Variants in DDIAS observed in about 807,000 individuals in gnomAD.
DDIAS encodes DNA damage induced apoptosis suppressor.
Under a neutral mutation model 15.7 loss-of-function variants are expected in DDIAS, and 14 were observed. The ratio of observed to expected loss-of-function variants is 0.89; its 90% CI spans 0.59 to 1.39. The LOEUF (loss-of-function observed/expected upper bound fraction) is 1.39. DDIAS is among the 40% of genes most tolerant of loss of function. The pLI, the probability that DDIAS is intolerant of heterozygous loss-of-function variation, is 0.00. For missense variants in DDIAS, 1,035 were observed against 1,130.9 expected, an observed-to-expected ratio of 0.92 and a Z score of 1.22; for synonymous variants, 355 against 395.9, an observed-to-expected ratio of 0.90 and a Z score of 1.23.
chr11:82,925,657 T>C (rs982063613), intron 3 of DDIAS, among the ~76,000 whole-genome samples: 1 of 152,050 alleles, frequency 6.6e-6, no homozygotes, highest in African/African-American at 2.4e-5. Context: ...ATGGATCTAA[T>C]GTACAGCTTG....
rs575999829 is a variant in DDIAS, at chr11:82,920,925, T to G, written c.113+6074T>G. On this transcript the variant is annotated intron_variant, in intron 3 of 5. Transcript: ENST00000533655. ...CAAGGCATAGTTTAAATCCATTTTT[T>G]CTTTGTTGACTTTCTGTCTTGATGA... 7.9e-5 allele frequency among the ~76,000 whole-genome samples: 12 copies of G among 152,336 alleles called. No individual in the cohort carries two copies. In the South Asian group the frequency reaches 2.3e-3, roughly 29 times the overall value.
At chr11:82,923,311 T>A (rs2121348022) in intron 3 of DDIAS, among the ~76,000 whole-genome samples, 1 of 152,324 alleles carries the variant, frequency 6.6e-6, no homozygotes, top group Non-Finnish European at 1.5e-5. Flanking sequence ...TTGCTTTCCC[T>A]TTTTCTTACT....
intron 1 of DDIAS, among the ~76,000 whole-genome samples, chr11:82,904,571 T>C (rs1369370111): frequency 6.6e-6 from 1 of 152,226 alleles, no homozygotes; most frequent in Non-Finnish European, 1.5e-5. Flanking sequence ...TCTCAATGAC[T>C]AGGCTACTGG....
At chr11:82,924,821 A>T (rs777508657) in intron 3 of DDIAS, among the ~76,000 whole-genome samples, 40 of 151,786 alleles carry the variant, frequency 2.6e-4, no homozygotes, top group Middle Eastern at 3.4e-3. Context: ...TCTCAAAAAA[A>T]TAAATGAATA....
intron 5 of DDIAS, 106 bp from the exon 6 acceptor site, chr11:82,931,626 T>C (rs1007618704): frequency 1.2e-5 from 12 of 998,926 alleles, no homozygotes; most frequent in Admixed American, 5.5e-5. Flanking sequence ...CTCAAAGTGC[T>C]GGGATTACAG....
chr11:82,931,325 G>A (rs1037804243), intron 5 of DDIAS, among the ~76,000 whole-genome samples: 2 of 152,010 alleles, frequency 1.3e-5, no homozygotes, highest in Admixed American at 6.6e-5. Context: ...GGTAATAGTT[G>A]TATCTGTTTT....
chr11:82,918,859 T>C (rs927735421), intron 3 of DDIAS, among the ~76,000 whole-genome samples: 1 of 152,146 alleles, frequency 6.6e-6, no homozygotes, highest in Non-Finnish European at 1.5e-5. Flanking sequence ...TTGTAGCTGT[T>C]GTAAAAGGAG....
At position 82,933,119 on chromosome 11, in the gene DDIAS, C is replaced by T. The variant is rs1415898754; in HGVS notation, c.1781C>T (p.Thr594Ile). The T allele has an allele frequency of 6.2e-7, 1 of 1,605,078 alleles. No homozygotes were observed. The highest frequency in any genetic ancestry group is 1.7e-5 in the Admixed American group (1 of 59,434). Residue 594 changes from threonine to isoleucine, a missense_variant, in exon 6 of 6, where the codon ACT (threonine) becomes ATT (isoleucine). Transcript: ENST00000533655. ...SVSEMNEKLT[T>I]LCYRKYNDVS... ...TCAGAAATGAATGAAAAGTTGACAA[C>T]TCTGTGTTATAGGAAGTATAATGAT...
At chr11:82,913,651 C>T (rs1860567210) in intron 2 of DDIAS, 3 of 415,404 alleles carry the variant, frequency 7.2e-6, no homozygotes, top group Non-Finnish European at 1.4e-5. Flanking sequence ...TTTTTCTCTT[C>T]AAGATGTATC....
intron 3 of DDIAS, among the ~76,000 whole-genome samples, chr11:82,922,209 G>GA (rs1345351124): frequency 6.6e-6 from 1 of 152,156 alleles, no homozygotes; most frequent in Non-Finnish European, 1.5e-5. Flanking sequence ...TTTTTGTGAT[G>GA]AATTTCCCAG....
At position 82,921,579 on chromosome 11, in the gene DDIAS, T is replaced by C. The variant is rs1389445077; in HGVS notation, c.113+6728T>C. On this transcript the variant is annotated intron_variant, in intron 3 of 5. Coordinates refer to ENST00000533655, the MANE Select transcript of DDIAS (RefSeq NM_145018.4). ...AGTTTTTTTCTTTCTTTCTTTTTTT[T>C]TTTTTTTTTTTTTTTTGAGACGGAG... Among the ~76,000 whole-genome samples, 12 of 142,814 alleles carry C rather than the reference T, an allele frequency of 8.4e-5. No homozygotes were observed. The East Asian group carries it at 1.2e-3, about 14-fold the overall frequency. The allele number at this position is 142,814 out of a possible 152,430, so 93.7% of individuals were successfully genotyped here.
At chr11:82,907,885 T>C (rs1860462376) in intron 1 of DDIAS, among the ~76,000 whole-genome samples, 1 of 152,228 alleles carries the variant, frequency 6.6e-6, no homozygotes, top group African/African-American at 2.4e-5. Context: ...TACTGAGCAC[T>C]GTTCTAAGCA....
In DDIAS at chr11:82,929,069, G is replaced by C. The variant is rs1404501091; in HGVS notation, c.275+131G>C. On this transcript the variant is annotated intron_variant, in intron 4 of 5. Transcript: ENST00000533655. The stretch of plus-strand genomic sequence containing the variant: ...GATTGTCAATTCCTTTAAAAGACAA[G>C]CAAGTAAGAAAGATGTTTATTTCCT... The C allele has an allele frequency of 1.1e-5, 11 of 999,250 alleles. No individual in the cohort carries two copies. The African/African-American group carries it at 1.5e-4, about 14-fold the overall frequency. 61.9% of individuals were successfully genotyped at this position (999,250 alleles called of 1,614,324 possible).
chr11:82,920,826 C>T (rs977583145), intron 3 of DDIAS, among the ~76,000 whole-genome samples: 4 of 152,186 alleles, frequency 2.6e-5, no homozygotes, highest in African/African-American at 4.8e-5. Context: ...GTTCCATGTG[C>T]TGTTGAATAG....
At chr11:82,925,758 G>A (rs1313645352) in intron 3 of DDIAS, among the ~76,000 whole-genome samples, 2 of 152,132 alleles carry the variant, frequency 1.3e-5, no homozygotes, top group African/African-American at 4.8e-5. Context: ...GGAGGCCGAG[G>A]TGGGCGGATC....
chr11:82,926,445 T>C (rs1358190187), intron 3 of DDIAS, among the ~76,000 whole-genome samples: 1 of 152,204 alleles, frequency 6.6e-6, no homozygotes, highest in Non-Finnish European at 1.5e-5. Flanking sequence ...CAAAACTCTT[T>C]GATATTCTCA....
intron 1 of DDIAS, among the ~76,000 whole-genome samples, chr11:82,906,377 C>A (rs1435585265): frequency 6.6e-6 from 1 of 152,040 alleles, no homozygotes; most frequent in African/African-American, 2.4e-5. Context: ...GGGCAGTAAA[C>A]CCTTAAATAA....
Position 82,932,865 on chromosome 11 carries a change from G to A in DDIAS, c.1527G>A (p.Lys509=), listed in dbSNP as rs2121373499. The change falls in exon 6 of 6, where the codon AAG becomes AAA. Residue 509 remains lysine (K), a synonymous_variant. Transcript: ENST00000533655. The part of the protein sequence containing the change: ...CKGNLSPSVE[K]ESQPDNKVEA... ...GAAATCTAAGTCCTAGTGTTGAAAA[G>A]GAGTCACAACCAGATAACAAAGTAG... 6.2e-7 allele frequency: 1 copy of A among 1,613,314 alleles called. No individual in the cohort carries two copies. The highest frequency in any genetic ancestry group is 2.2e-5 in the East Asian group (1 of 44,860).
In DDIAS at chr11:82,933,346, G is replaced by A. The variant is rs1281955578; in HGVS notation, c.2008G>A (p.Glu670Lys). ...AACACAGAGCTATTCTATTGGTTATGAAGGTAGCTATGATGCCTCTGCTGA... is the reference window on the plus strand; with the variant it reads ...AACACAGAGCTATTCTATTGGTTATAAAGGTAGCTATGATGCCTCTGCTGA... ...NVTQSYSIGY[E>K]GSYDASADLF... The change falls in exon 6 of 6, where the codon GAA becomes AAA. Residue 670 changes from glutamate (E) to lysine (K), a missense_variant. Coordinates refer to ENST00000533655, the MANE Select transcript of DDIAS (RefSeq NM_145018.4). The A allele has an allele frequency of 5.0e-6, 8 of 1,614,044 alleles. No homozygotes were observed. The highest frequency in any genetic ancestry group is 6.8e-6 in the Non-Finnish European group (8 of 1,179,992).
Sources: allele counts gnomAD v4.1 joint callset (sites outside exome capture counted in the v4.1 genomes callset), GRCh38; gene constraint gnomAD v4.1.1; transcripts MANE v1.5; gene names NCBI Gene and HGNC (gene_info 2026-07-23, HGNC 2026-07-21).